Variants in UTRN observed in about 807,000 individuals in gnomAD.
The protein encoded by UTRN is utrophin, also known as dystrophin-related protein 1.
UTRN carries 283 observed loss-of-function variants against 463.9 expected under a neutral mutation model. The observed-to-expected ratio is 0.61, with a 90% CI of 0.55 to 0.67. UTRN has a LOEUF of 0.67. UTRN is among the 30% of genes least tolerant of loss of function. The pLI, the probability that UTRN is intolerant of heterozygous loss-of-function variation, is 0.00. For synonymous variants in UTRN, 1,442 were observed against 1,431.5 expected, an observed-to-expected ratio of 1.01 and a Z score of -0.17; for missense variants, 3,922 against 4,084.3, an observed-to-expected ratio of 0.96 and a Z score of 1.08.
chr6:144,397,157 C>A (rs1199396778), intron 2 of UTRN, among the ~76,000 whole-genome samples: 3 of 151,982 alleles, frequency 2.0e-5, no homozygotes, highest in Non-Finnish European at 4.4e-5. Context: ...GGGAGGAGAA[C>A]CGCTTCAACC....
chr6:144,640,030 CAA>C (rs1777607672), intron 51 of UTRN, among the ~76,000 whole-genome samples: 2 of 150,488 alleles, frequency 1.3e-5, no homozygotes, highest in African/African-American at 4.9e-5. Flanking sequence ...GCCCAGTGAA[CAA>C]AGTGTTTTTG....
intron 53 of UTRN, among the ~76,000 whole-genome samples, chr6:144,716,465 G>A (rs1786460114): frequency 6.6e-6 from 1 of 151,890 alleles, no homozygotes; most frequent in South Asian, 2.1e-4. Flanking sequence ...AAATATAAAG[G>A]GAAAGTTTTA....
intron 51 of UTRN, among the ~76,000 whole-genome samples, chr6:144,653,343 T>C (rs1480115524): frequency 3.3e-5 from 5 of 152,144 alleles, no homozygotes; most frequent in South Asian, 2.1e-4. Flanking sequence ...CCTAGCACTT[T>C]GGGAGGCTGA....
At chr6:144,725,479 T>G (rs1787771113) in intron 53 of UTRN, among the ~76,000 whole-genome samples, 1 of 152,242 alleles carries the variant, frequency 6.6e-6, no homozygotes, top group Admixed American at 6.5e-5. Context: ...GGAACAGAAC[T>G]GTTTTGAATG....
intron 51 of UTRN, among the ~76,000 whole-genome samples, chr6:144,622,512 G>T (rs1310903894): frequency 6.6e-6 from 1 of 152,096 alleles, no homozygotes; most frequent in East Asian, 1.9e-4. Flanking sequence ...ATCAAGAAAA[G>T]ATATAAGTAT....
chr6:144,491,181 G>C, intron 32 of UTRN, 79 bp downstream of exon 32: 2 of 1,368,154 alleles, frequency 1.5e-6, no homozygotes, highest in Admixed American at 2.2e-5. Flanking sequence ...TACATGCCTA[G>C]TGTGTCCAGT....
intron 9 of UTRN, among the ~76,000 whole-genome samples, chr6:144,433,309 G>C (rs1481757590): frequency 2.0e-5 from 3 of 150,352 alleles, no homozygotes; most frequent in South Asian, 2.1e-4. Flanking sequence ...CTGGCCGGGT[G>C]GGGGGCTGAA....
chr6:144,390,176 T>C (rs1200268026), intron 2 of UTRN, among the ~76,000 whole-genome samples: 1 of 152,172 alleles, frequency 6.6e-6, no homozygotes, highest in Non-Finnish European at 1.5e-5. Flanking sequence ...TAGAGTCTAA[T>C]TGAGAATAGA....
At chr6:144,826,910 C>T (rs1446510284) in intron 66 of UTRN, among the ~76,000 whole-genome samples, 1 of 152,092 alleles carries the variant, frequency 6.6e-6, no homozygotes, top group Non-Finnish European at 1.5e-5. Context: ...GCACCTCTGC[C>T]ATCAACATAT....
chr6:144,732,332 C>T (rs118082393), intron 54 of UTRN, among the ~76,000 whole-genome samples: 1,731 of 148,766 alleles, frequency 0.012, 24 homozygotes, highest in Middle Eastern at 0.054. Flanking sequence ...TACACACACA[C>T]GTACATACTC....
rs1782454144 is a variant in UTRN, at chr6:144,851,088, C to T, written c.*91C>T. 2.6e-6 allele frequency: 4 copies of T among 1,560,828 alleles called. No individual in the cohort carries two copies. The highest frequency in any genetic ancestry group is 3.5e-6 in the Non-Finnish European group (4 of 1,131,926). ...CCAAGTTCCATTAAATCAGAAGCTC[C>T]ATGGCTCCTTGGCCCACGATGTTGA... On this transcript the variant is annotated 3_prime_UTR_variant, in exon 75 of 75. Coordinates refer to ENST00000367545, the MANE Select transcript of UTRN (RefSeq NM_007124.3).
chr6:144,681,386 A>G (rs904988166), intron 52 of UTRN, among the ~76,000 whole-genome samples: 2 of 152,182 alleles, frequency 1.3e-5, no homozygotes, highest in Non-Finnish European at 2.9e-5. Flanking sequence ...AAGGAAACTG[A>G]GAAGTCCCTA....
At chr6:144,814,018 G>A (rs916886692) in intron 65 of UTRN, among the ~76,000 whole-genome samples, 13 of 152,170 alleles carry the variant, frequency 8.5e-5, no homozygotes, top group African/African-American at 1.7e-4. Flanking sequence ...CTGTTCCTAC[G>A]TGCTGGTAGA....
At chr6:144,415,270 C>G (rs1463931139) in intron 3 of UTRN, among the ~76,000 whole-genome samples, 1 of 152,116 alleles carries the variant, frequency 6.6e-6, no homozygotes, top group Non-Finnish European at 1.5e-5. Flanking sequence ...TATCCCTGTC[C>G]TTAAGTGACT....
chr6:144,354,659 G>A (rs558971306), intron 2 of UTRN, among the ~76,000 whole-genome samples: 1 of 152,244 alleles, frequency 6.6e-6, no homozygotes, highest in East Asian at 1.9e-4. Context: ...GGTTCATGCT[G>A]CCCTTAGATC....
At chr6:144,797,335 C>T (rs1777318442) in intron 63 of UTRN, among the ~76,000 whole-genome samples, 1 of 152,014 alleles carries the variant, frequency 6.6e-6, no homozygotes, top group Admixed American at 6.6e-5. Flanking sequence ...ACTACAGGTG[C>T]ACGCCACAAG....
chr6:144,513,014 C>T (rs1795307286), intron 35 of UTRN, among the ~76,000 whole-genome samples: 1 of 152,150 alleles, frequency 6.6e-6, no homozygotes, highest in Middle Eastern at 3.2e-3. Flanking sequence ...AACTTCTTGC[C>T]TTAGATTAAC....
chr6:144,420,447 C>T (rs779697578), intron 3 of UTRN, among the ~76,000 whole-genome samples: 2 of 152,114 alleles, frequency 1.3e-5, no homozygotes, highest in African/African-American at 2.4e-5. Context: ...ATTTTCTATG[C>T]GGTGATCACC....
chr6:144,596,328 T>A (rs1031879685), intron 51 of UTRN, among the ~76,000 whole-genome samples: 10 of 152,110 alleles, frequency 6.6e-5, no homozygotes, highest in Non-Finnish European at 1.3e-4. Context: ...CATATGCAGA[T>A]CAAACAGGGC....
Sources: allele counts gnomAD v4.1 joint callset (sites outside exome capture counted in the v4.1 genomes callset), GRCh38; gene constraint gnomAD v4.1.1; transcripts MANE v1.5; gene names NCBI Gene and HGNC (gene_info 2026-07-23, HGNC 2026-07-21).